Variants in ECI2 observed in about 807,000 individuals in gnomAD.
The protein encoded by ECI2 is enoyl-CoA delta isomerase 2.
A neutral mutation model predicts 38.4 loss-of-function variants in ECI2; 27 were observed. That is an observed-to-expected ratio of 0.70 (90% CI 0.52 to 0.97). The LOEUF (loss-of-function observed/expected upper bound fraction) is 0.97. ECI2 is among the 50% of genes least tolerant of loss of function. ECI2 has a pLI of 0.00. For synonymous variants in ECI2, 168 were observed against 172.0 expected, an observed-to-expected ratio of 0.98 and a Z score of 0.18; for missense variants, 470 against 474.4, an observed-to-expected ratio of 0.99 and a Z score of 0.09.
chr6:4,130,484 G>A lies in ECI2; in HGVS notation c.389C>T (p.Pro130Leu). ...CCCAGTTGATTTCCTGTCTGTTCCA[G>A]GCTCCACCTGACTAGAGGATTCCAA... ...PSLESSSQVE[P>L]GTDRKSTGFE... Residue 130 changes from proline (P) to leucine (L), a missense_variant, in exon 4 of 10, where the codon CCT becomes CTT. Coordinates refer to ENST00000380118, the MANE Select transcript of ECI2 (RefSeq NM_206836.3). The A allele has an allele frequency of 1.9e-6, 3 of 1,614,186 alleles. No homozygotes were observed. The highest frequency in any genetic ancestry group is 2.5e-6 in the Non-Finnish European group (3 of 1,180,024).
At chr6:4,134,562 A>G (rs1264102511) in intron 1 of ECI2, among the ~76,000 whole-genome samples, 1 of 152,204 alleles carries the variant, frequency 6.6e-6, no homozygotes, top group Non-Finnish European at 1.5e-5. Flanking sequence ...AAGATGATTA[A>G]AATAATACAG....
intron 8 of ECI2, 152 bp from the exon 9 acceptor site, chr6:4,117,603 G>T: frequency 1.0e-6 from 1 of 975,088 alleles, no homozygotes; most frequent in Non-Finnish European, 1.4e-6. Context: ...ACCTCAATAG[G>T]CAACGGTTTG....
At chr6:4,120,449 G>A (rs613709) in intron 7 of ECI2, among the ~76,000 whole-genome samples, 44,565 of 151,984 alleles carry the variant, frequency 0.29, 6,700 homozygotes, top group East Asian at 0.36. Context: ...AAGGTAGGCC[G>A]GGTGTGGTGG....
In ECI2 at chr6:4,131,900, G is replaced by C. The variant is rs73717452; in HGVS notation, c.214-1035C>G. Among the ~76,000 whole-genome samples the C allele has an allele frequency of 4.3e-3, 652 of 151,012 alleles. 4 individuals are homozygous for C. The highest frequency in any genetic ancestry group is 0.015 in the African/African-American group (607 of 40,838). ...CAAAAGAAAAAAGAAAAAAGAAAAAGGCAGTAAAGGAGGTTATGAATTTCT... is the reference window on the plus strand; with the variant it reads ...CAAAAGAAAAAAGAAAAAAGAAAAACGCAGTAAAGGAGGTTATGAATTTCT... On this transcript the variant is annotated intron_variant, in intron 2 of 9. Transcript: ENST00000380118.
intron 1 of ECI2, chr6:4,135,291 T>A (rs773631784): frequency 1.5e-6 from 2 of 1,356,816 alleles, no homozygotes; most frequent in South Asian, 2.6e-5. Context: ...AGCCCTGACC[T>A]CCCGACGCGC....
chr6:4,131,326 T>C (rs527958307), intron 2 of ECI2, among the ~76,000 whole-genome samples: 71 of 152,230 alleles, frequency 4.7e-4, no homozygotes, highest in African/African-American at 1.6e-3. Flanking sequence ...GTAACAAAAC[T>C]GTAGCTGAGG....
chr6:4,125,041 G>A, intron 7 of ECI2: 1 of 778,878 alleles, frequency 1.3e-6, no homozygotes, highest in Non-Finnish European at 2.1e-6. Flanking sequence ...GTCAGAGTTG[G>A]AACAATGTTC....
rs1254226292 is a variant in ECI2 at position 4,135,561 on chromosome 6, C to T, written c.-1G>A. 2 of 1,608,912 alleles carry T rather than the reference C, an allele frequency of 1.2e-6. No individual in the cohort carries two copies. The highest frequency in any genetic ancestry group is 1.7e-5 in the Admixed American group (1 of 59,744). ...TCCAAGCCAAGTACGCCATCGCCATCCCTTGGGCGGCTCTAGGGCTGCGGG... is the reference window on the plus strand; with the variant it reads ...TCCAAGCCAAGTACGCCATCGCCATTCCTTGGGCGGCTCTAGGGCTGCGGG... On this transcript the variant is annotated 5_prime_UTR_variant, in exon 1 of 10. Transcript: ENST00000380118.
At chr6:4,133,459 AAGGCC>A in intron 2 of ECI2, 85 bp downstream of exon 2, 1 of 1,465,684 alleles carries the variant, frequency 6.8e-7, no homozygotes, top group Non-Finnish European at 9.2e-7. Context: ...CCAAAATGTT[AAGGCC>A]ACATTTTAGT....
intron 8 of ECI2, 25 bp from the exon 9 acceptor site, chr6:4,117,476 G>A (rs1044891649): frequency 6.2e-7 from 1 of 1,606,930 alleles, no homozygotes; most frequent in Non-Finnish European, 8.5e-7. Context: ...AAGAAGCAAG[G>A]TTAAGATACT....
intron 2 of ECI2, 139 bp downstream of exon 2, chr6:4,133,410 A>ATG: frequency 1.2e-6 from 1 of 822,942 alleles, no homozygotes; most frequent in Non-Finnish European, 1.8e-6. Context: ...ATATATATAT[A>ATG]CACACACACA....
At position 4,125,352 on chromosome 6, in the gene ECI2, A is replaced by C. The variant is rs1802393; in HGVS notation, c.693T>G (p.Phe231Leu). ...AVLLREFVGC[F>L]IDFPKPLIAV... ...CAATCAGAGGCTTAGGAAAATCTAT[A>C]AAACAGCCCACAAATTCCCTACAGA... The change falls in exon 7 of 10, where the codon TTT becomes TTG. Residue 231 changes from phenylalanine (F) to leucine (L), a missense_variant. Physicochemically the swap from Phe to Leu is conservative, Grantham distance 22. Coordinates refer to ENST00000380118, the MANE Select transcript of ECI2 (RefSeq NM_206836.3). The C allele has an allele frequency of 1.9e-6, 3 of 1,614,038 alleles. No individual in the cohort carries two copies. The highest frequency in any genetic ancestry group is 8.5e-7 in the Non-Finnish European group (1 of 1,180,030).
chr6:4,127,681 A>G (rs2113996342), intron 5 of ECI2, 81 bp downstream of exon 5: 4 of 1,459,434 alleles, frequency 2.7e-6, no homozygotes, highest in East Asian at 2.3e-5. Context: ...CAGGTCTTAG[A>G]GCTTTTTAAC....
intron 5 of ECI2, 125 bp from the exon 6 acceptor site, chr6:4,126,362 C>A: frequency 2.7e-6 from 2 of 749,738 alleles, no homozygotes; most frequent in Admixed American, 2.8e-5. Context: ...GGTTCCTGCC[C>A]TAACTTACAA....
In ECI2 at chr6:4,127,777, T is replaced by C. The variant is rs1773270837; in HGVS notation, c.556A>G (p.Ile186Val). The C allele has an allele frequency of 1.2e-6, 2 of 1,613,396 alleles. No individual in the cohort carries two copies. Among genetic ancestry groups the C allele is most frequent in the South Asian group, 2.2e-5 (2 of 90,936 alleles). ...LKAASKDDSI[I>V]TVLTGNGDYY... ...AATGTCTTACCTGTTAAAACAGTGA[T>C]GATTGAGTCATCCTTGCTGGCAGCT... Residue 186 changes from isoleucine (I) to valine (V), a missense_variant, in exon 5 of 10, where the codon ATC becomes GTC. Coordinates refer to ENST00000380118, the MANE Select transcript of ECI2 (RefSeq NM_206836.3).
chr6:4,120,448 C>A (rs1026190922), intron 7 of ECI2, among the ~76,000 whole-genome samples: 3 of 151,992 alleles, frequency 2.0e-5, no homozygotes, highest in Admixed American at 2.0e-4. Context: ...AAAGGTAGGC[C>A]GGGTGTGGTG....
intron 9 of ECI2, among the ~76,000 whole-genome samples, chr6:4,116,717 T>G (rs1342726642): frequency 6.6e-6 from 1 of 152,162 alleles, no homozygotes; most frequent in Non-Finnish European, 1.5e-5. Context: ...GTACTGAGAC[T>G]ACAGGTGTGA....
chr6:4,125,584 C>G (rs535826191), intron 6 of ECI2: 305 of 627,866 alleles, frequency 4.9e-4, no homozygotes, highest in Admixed American at 8.4e-4. Flanking sequence ...GAAGACCAAC[C>G]AGTGAGACCT....
At position 4,130,680 on chromosome 6, in the gene ECI2, T is replaced by G. The variant is rs980777344; in HGVS notation, c.312+87A>C. The G allele has an allele frequency of 6.9e-6, 11 of 1,602,066 alleles. No homozygotes were observed. The Admixed American group carries it at 1.9e-4, about 27-fold the overall frequency. ...AAAGAATAGAAGCACATCAAGATCTTGAAGACTCCATTTACAATGGCTTAA... is the reference window on the plus strand; with the variant it reads ...AAAGAATAGAAGCACATCAAGATCTGGAAGACTCCATTTACAATGGCTTAA... On this transcript the variant is annotated intron_variant, in intron 3 of 9. Coordinates refer to ENST00000380118, the MANE Select transcript of ECI2 (RefSeq NM_206836.3).
Sources: gnomAD v4.1 joint callset for allele counts (sites outside exome capture counted in the v4.1 genomes callset) on GRCh38, gnomAD v4.1.1 for gene constraint, MANE v1.5 for transcripts, NCBI Gene and HGNC (gene_info 2026-07-23, HGNC 2026-07-21) for gene names.